NCALD: variants seen among roughly 807,000 people sequenced by gnomAD.
NCALD encodes the protein neurocalcin-delta.
Under a neutral mutation model 18.6 loss-of-function variants are expected in NCALD, and 10 were observed. That is an observed-to-expected ratio of 0.54 (90% CI 0.33 to 0.91). The LOEUF (loss-of-function observed/expected upper bound fraction) is 0.91. NCALD is among the 40% of genes least tolerant of loss of function. NCALD has a pLI of 0.03. For missense variants in NCALD, 184 were observed against 247.6 expected (o/e 0.74, Z 1.72); for synonymous variants, 88 against 87.4 (o/e 1.01, Z -0.04).
At chr8:101,946,569 C>G (rs78540330) in intron 2 of NCALD, among the ~76,000 whole-genome samples, 6,290 of 152,066 alleles carry the variant, frequency 0.041, 311 homozygotes, top group African/African-American at 0.11. Flanking sequence ...GATAAGACAT[C>G]ATTTTCAATT....
upstream of NCALD, among the ~76,000 whole-genome samples, chr8:101,792,643 T>C (rs528291390): frequency 1.3e-5 from 2 of 152,324 alleles, no homozygotes; most frequent in South Asian, 4.1e-4. Flanking sequence ...CCAATTATTG[T>C]TCTGCTTTTA....
At chr8:101,846,470 C>T (rs1465743334) in intron 4 of NCALD, among the ~76,000 whole-genome samples, 1 of 152,170 alleles carries the variant, frequency 6.6e-6, no homozygotes, top group Non-Finnish European at 1.5e-5. Context: ...AGTTGGTTGG[C>T]CTGGTTCTAC....
intron 1 of NCALD, among the ~76,000 whole-genome samples, chr8:102,113,042 G>A (rs1825687045): frequency 1.3e-5 from 2 of 152,066 alleles, no homozygotes; most frequent in Non-Finnish European, 2.9e-5. Flanking sequence ...AACGCAAAAT[G>A]GACCAAGACA....
At chr8:102,056,304 T>C (rs533695661) in intron 1 of NCALD, among the ~76,000 whole-genome samples, 46 of 152,272 alleles carry the variant, frequency 3.0e-4, no homozygotes, top group African/African-American at 1.0e-3. Flanking sequence ...AGAAGCAAAC[T>C]CGAGTCAGAA....
chr8:101,804,881 C>T (rs1813042311), intron 4 of NCALD, among the ~76,000 whole-genome samples: 1 of 151,220 alleles, frequency 6.6e-6, no homozygotes, highest in Admixed American at 6.6e-5. Flanking sequence ...ATCAAACCTG[C>T]AATACCTCTG....
chr8:101,813,420 C>T (rs1265362802), intron 4 of NCALD, among the ~76,000 whole-genome samples: 1 of 152,048 alleles, frequency 6.6e-6, no homozygotes, highest in Admixed American at 6.6e-5. Context: ...CATGGGACAG[C>T]TTAGGGAGGG....
intron 1 of NCALD, among the ~76,000 whole-genome samples, chr8:101,781,463 C>T (rs143417234): frequency 9.3e-4 from 142 of 152,284 alleles, no homozygotes; most frequent in African/African-American, 2.9e-3. Context: ...TGGGCAATGG[C>T]CTTGGGGCAA....
rs140035261 is a variant in NCALD, at chr8:102,017,573, C to T, written c.-157+2664G>A. ...AGCCGGGTGTGGTGGTGGGCACCTG[C>T]AGTCCCAGCTACTCGGGAGGCTGAC... is the stretch of plus-strand genomic sequence containing the variant. On this transcript the variant is annotated intron_variant, in intron 2 of 6. Transcript: ENST00000311028. Among the ~76,000 whole-genome samples, 1,481 of 152,170 alleles carry T rather than the reference C, an allele frequency of 9.7e-3. 29 individuals are homozygous for T. Among genetic ancestry groups the T allele is most frequent in the African/African-American group, 0.034 (1,407 of 41,528 alleles).
intron 1 of NCALD, among the ~76,000 whole-genome samples, chr8:101,758,300 C>T (rs1423275699): frequency 6.6e-6 from 1 of 152,164 alleles, no homozygotes; most frequent in Non-Finnish European, 1.5e-5. Context: ...TAGCAGGCCC[C>T]AGCTCTCCCC....
At chr8:101,762,295 T>C (rs74946044) in intron 1 of NCALD, among the ~76,000 whole-genome samples, 6,924 of 152,232 alleles carry the variant, frequency 0.045, 379 homozygotes, top group African/African-American at 0.13. Context: ...TCCATTTTGC[T>C]CTGGTGAGAT....
rs750436141 is a variant in NCALD at position 101,719,351 on chromosome 8, C to G, written c.279G>C (p.Ser93=). The change falls in exon 2 of 4, where the codon TCG becomes TCC. Residue 93 remains serine, a synonymous_variant. Coordinates refer to ENST00000220931, the MANE Select transcript of NCALD (RefSeq NM_032041.3). ...REFIIALSVT[S]RGKLEQKLKW... is the part of the protein sequence containing the mutation. Reference sequence around the variant, plus strand: ...TCAGCTTCTGCTCCAGCTTCCCCCTCGAAGTTACACTCAAGGCGATGATGA... The same window carrying G: ...TCAGCTTCTGCTCCAGCTTCCCCCTGGAAGTTACACTCAAGGCGATGATGA... 4 of 1,614,188 alleles carry G rather than the reference C, an allele frequency of 2.5e-6. No individual in the cohort carries two copies. The highest frequency in any genetic ancestry group is 1.3e-5 in the African/African-American group (1 of 75,042).
Position 101,687,384 on chromosome 8 carries a change from C to T in NCALD, c.*1925G>A, listed in dbSNP as rs1010609202. On this transcript the variant is annotated 3_prime_UTR_variant, in exon 4 of 4. Transcript: ENST00000220931. ...GCTATTTTCCAAACACAGATTTTAA[C>T]ACTTGGCCATGGAGGAATTTGGCAA... 3 of 152,670 alleles carry T rather than the reference C, an allele frequency of 2.0e-5. No homozygotes were observed. Among genetic ancestry groups the T allele is most frequent in the Non-Finnish European group, 4.4e-5 (3 of 68,050 alleles). The allele number at this position is 152,670 out of a possible 1,614,324, so 9.5% of individuals were successfully genotyped here. A position where few individuals can be genotyped will look rare whatever the true frequency, so the allele number is the denominator to read the frequency against.
chr8:101,929,814 G>C (rs1029916310), intron 2 of NCALD, among the ~76,000 whole-genome samples: 1 of 152,102 alleles, frequency 6.6e-6, no homozygotes. Context: ...GGGAGGCCTA[G>C]GCAGGCAGAT....
At chr8:101,782,796 T>C (rs1218997178) in intron 1 of NCALD, among the ~76,000 whole-genome samples, 4 of 152,196 alleles carry the variant, frequency 2.6e-5, no homozygotes, top group Non-Finnish European at 4.4e-5. Flanking sequence ...ATCTGTTCAC[T>C]AATCACCTAA....
At chr8:102,023,968 A>G (rs967533223) in intron 1 of NCALD, among the ~76,000 whole-genome samples, 4 of 152,174 alleles carry the variant, frequency 2.6e-5, no homozygotes, top group Admixed American at 2.6e-4. Flanking sequence ...TCCTCTTTAC[A>G]TGGCAGTTTC....
intron 4 of NCALD, among the ~76,000 whole-genome samples, chr8:101,826,950 C>T (rs1231966952): frequency 6.6e-6 from 1 of 152,176 alleles, no homozygotes; most frequent in Non-Finnish European, 1.5e-5. Context: ...AAAGCTACTA[C>T]CATATTACTA....
At chr8:101,828,317 G>C (rs192050384) in intron 4 of NCALD, among the ~76,000 whole-genome samples, 2 of 152,174 alleles carry the variant, frequency 1.3e-5, no homozygotes, top group East Asian at 3.9e-4. Flanking sequence ...TGCCAGCCCC[G>C]CTCCCGATTA....
At chr8:101,873,615 A>G (rs182195779) in intron 4 of NCALD, among the ~76,000 whole-genome samples, 1 of 152,360 alleles carries the variant, frequency 6.6e-6, no homozygotes, top group East Asian at 1.9e-4. Flanking sequence ...ATAGAATGTG[A>G]TATAGTAAAA....
chr8:101,938,732 A>G (rs541160668), intron 2 of NCALD, among the ~76,000 whole-genome samples: 13 of 152,348 alleles, frequency 8.5e-5, no homozygotes, highest in Non-Finnish European at 1.5e-4. Context: ...AATAATGATA[A>G]TTACCTATGG....
Sources: allele counts gnomAD v4.1 joint callset (sites outside exome capture counted in the v4.1 genomes callset), GRCh38; gene constraint gnomAD v4.1.1; transcripts MANE v1.5; gene names NCBI Gene and HGNC (gene_info 2026-07-23, HGNC 2026-07-21).